GALNT1: variants seen among roughly 807,000 people sequenced by gnomAD.
GALNT1 encodes the protein GalNAc transferase 1.
A neutral mutation model predicts 65.7 loss-of-function variants in GALNT1; 17 were observed. That is an observed-to-expected ratio of 0.26 (90% CI 0.18 to 0.39). The LOEUF (loss-of-function observed/expected upper bound fraction) is 0.39. Among genes scored for constraint, GALNT1 ranks in the 10% least tolerant of loss-of-function variants. The probability of loss-of-function intolerance (pLI) is 1.00; values close to 1 mark genes in which losing one functional copy is unlikely to be tolerated. For synonymous variants in GALNT1, 210 were observed against 219.7 expected, an observed-to-expected ratio of 0.96 and a Z score of 0.39; for missense variants, 460 against 672.8, an observed-to-expected ratio of 0.68 and a Z score of 3.50.
chr18:35,685,809 G>A (rs1414365594), intron 5 of GALNT1, among the ~76,000 whole-genome samples: 1 of 152,240 alleles, frequency 6.6e-6, no homozygotes, highest in Admixed American at 6.5e-5. Context: ...GCTCACGCCT[G>A]TAATCCCAGC....
chr18:35,677,140 G>T (rs979405573), intron 3 of GALNT1, among the ~76,000 whole-genome samples: 2 of 152,176 alleles, frequency 1.3e-5, no homozygotes, highest in South Asian at 4.1e-4. Context: ...ACTAGGAAGA[G>T]TAAGAGCCTG....
At chr18:35,628,993 G>A (rs541462886) in intron 1 of GALNT1, among the ~76,000 whole-genome samples, 5 of 152,326 alleles carry the variant, frequency 3.3e-5, no homozygotes, top group Admixed American at 1.3e-4. Flanking sequence ...TGAATGAAAT[G>A]AAGTGAGAAG....
At chr18:35,692,093 G>T in intron 8 of GALNT1, 88 bp from the exon 9 acceptor site, 4 of 1,181,362 alleles carry the variant, frequency 3.4e-6, no homozygotes, top group Non-Finnish European at 4.9e-6. Flanking sequence ...CCACTGTTCT[G>T]ATTCATCTGG....
At chr18:35,627,648 C>T (rs888227811) in intron 1 of GALNT1, among the ~76,000 whole-genome samples, 3 of 152,050 alleles carry the variant, frequency 2.0e-5, no homozygotes, top group Non-Finnish European at 2.9e-5. Context: ...CCAGTGTGAG[C>T]GACACAGAAG....
At chr18:35,621,602 T>A (rs1024829638) in intron 1 of GALNT1, among the ~76,000 whole-genome samples, 1 of 152,230 alleles carries the variant, frequency 6.6e-6, no homozygotes, top group Non-Finnish European at 1.5e-5. Flanking sequence ...TATCTTATGA[T>A]GTCTTTGGTT....
intron 1 of GALNT1, among the ~76,000 whole-genome samples, chr18:35,622,303 GT>G (rs1036688030): frequency 6.6e-6 from 1 of 151,852 alleles, no homozygotes; most frequent in Non-Finnish European, 1.5e-5. Flanking sequence ...AGAGGCTGGA[GT>G]GCAGTGGCAT....
At chr18:35,666,533 G>A (rs983302293) in intron 3 of GALNT1, among the ~76,000 whole-genome samples, 2 of 152,210 alleles carry the variant, frequency 1.3e-5, no homozygotes, top group Admixed American at 6.5e-5. Context: ...ATTGTTTCTG[G>A]TAGAATTGTT....
intron 2 of GALNT1, among the ~76,000 whole-genome samples, chr18:35,655,509 T>G (rs1281759347): frequency 1.3e-5 from 2 of 151,600 alleles, no homozygotes; most frequent in Non-Finnish European, 2.9e-5. Context: ...CTTTTTTTTT[T>G]TTTTTGTTTT....
intron 3 of GALNT1, among the ~76,000 whole-genome samples, chr18:35,669,039 A>G (rs1272954860): frequency 6.6e-6 from 1 of 152,210 alleles, no homozygotes; most frequent in African/African-American, 2.4e-5. Context: ...CAGGAGATCA[A>G]GACCATCCTA....
chr18:35,591,102 G>C (rs554795332), intron 1 of GALNT1, among the ~76,000 whole-genome samples: 1 of 152,300 alleles, frequency 6.6e-6, no homozygotes, highest in South Asian at 2.1e-4. Context: ...GAAAAGGGTG[G>C]TTAATTTAGA....
chr18:35,697,700 A>T (rs2048082289), intron 9 of GALNT1, among the ~76,000 whole-genome samples: 1 of 151,992 alleles, frequency 6.6e-6, no homozygotes. Flanking sequence ...CTAAACTCTC[A>T]CCCCTACAGA....
chr18:35,632,338 G>T (rs1476888662), intron 1 of GALNT1, among the ~76,000 whole-genome samples: 1 of 152,062 alleles, frequency 6.6e-6, no homozygotes, highest in Non-Finnish European at 1.5e-5. Context: ...CATGGTACTG[G>T]TACCAAAACA....
intron 1 of GALNT1, among the ~76,000 whole-genome samples, chr18:35,584,143 A>G (rs2046354256): frequency 6.6e-6 from 1 of 152,150 alleles, no homozygotes; most frequent in African/African-American, 2.4e-5. Context: ...TAACTTTGGT[A>G]GTTTTGAGGA....
At chr18:35,638,272 CA>C (rs1363194391) in intron 1 of GALNT1, among the ~76,000 whole-genome samples, 1 of 152,184 alleles carries the variant, frequency 6.6e-6, no homozygotes, top group Admixed American at 6.5e-5. Flanking sequence ...TGCACTCAGA[CA>C]CAGGTATCCA....
intron 9 of GALNT1, 58 bp from the exon 10 acceptor site, chr18:35,702,839 C>A: frequency 8.7e-7 from 1 of 1,153,336 alleles, no homozygotes; most frequent in Non-Finnish European, 1.3e-6. Context: ...GTGTGTGTAT[C>A]TGTCTGTCTA....
chr18:35,677,166 T>C (rs1300831177), intron 3 of GALNT1, among the ~76,000 whole-genome samples: 1 of 152,232 alleles, frequency 6.6e-6, no homozygotes, highest in East Asian at 1.9e-4. Flanking sequence ...CGATAGGTAC[T>C]CACTAAATAT....
chr18:35,675,479 C>A (rs2047698334), intron 3 of GALNT1, among the ~76,000 whole-genome samples: 1 of 152,048 alleles, frequency 6.6e-6, no homozygotes, highest in Non-Finnish European at 1.5e-5. Context: ...TTCTATTGTT[C>A]TTATAATCTT....
intron 1 of GALNT1, among the ~76,000 whole-genome samples, chr18:35,650,124 T>A (rs2047290470): frequency 6.6e-6 from 1 of 152,210 alleles, no homozygotes; most frequent in Non-Finnish European, 1.5e-5. Flanking sequence ...GGCCCTTTTC[T>A]ATTTTCCCTA....
chr18:35,677,634 G>A lies in GALNT1; in HGVS notation c.358G>A (p.Val120Met). ...TCCAGATAATCTTCCTACAACAAGTGTGGTGATTGTTTTCCACAATGAGGC... is the reference window on the plus strand; with the variant it reads ...TCCAGATAATCTTCCTACAACAAGTATGGTGATTGTTTTCCACAATGAGGC... ...VYPDNLPTTS[V>M]VIVFHNEAWS... is the part of the protein sequence containing the mutation. The change falls in exon 4 of 12, where the codon GTG (valine) becomes ATG (methionine). Residue 120 changes from valine to methionine, a missense_variant. By Grantham distance (21) the Val-to-Met change is conservative. Transcript: ENST00000269195. 1 of 1,613,010 alleles carries A rather than the reference G, an allele frequency of 6.2e-7. No individual in the cohort carries two copies. The highest frequency in any genetic ancestry group is 1.1e-5 in the South Asian group (1 of 90,958).
Sources: gnomAD v4.1 joint callset for allele counts (sites outside exome capture counted in the v4.1 genomes callset) on GRCh38, gnomAD v4.1.1 for gene constraint, MANE v1.5 for transcripts, NCBI Gene and HGNC (gene_info 2026-07-23, HGNC 2026-07-21) for gene names.